CLASP1: variants seen among roughly 807,000 people sequenced by gnomAD.
CLASP1 encodes the protein cytoplasmic linker associated protein 1.
A neutral mutation model predicts 192.3 loss-of-function variants in CLASP1; 38 were observed. That is an observed-to-expected ratio of 0.20 (90% CI 0.15 to 0.26). The LOEUF is 0.26. Among genes scored for constraint, CLASP1 ranks in the 10% least tolerant of loss-of-function variants. The probability of loss-of-function intolerance (pLI) is 1.00; values close to 1 mark genes in which losing one functional copy is unlikely to be tolerated. For missense variants in CLASP1, 1,433 were observed against 1,932.5 expected (o/e 0.74, Z 4.85); for synonymous variants, 691 against 712.8 (o/e 0.97, Z 0.49).
chr2:121,401,955 G>GT (rs1029096550), intron 26 of CLASP1, 85 bp from the exon 28 acceptor site: 14 of 545,632 alleles, frequency 2.6e-5, no homozygotes, highest in Admixed American at 1.7e-4. Flanking sequence ...ATTTTCATGC[G>GT]TTTTTTTAAG....
chr2:121,575,163 G>A (rs2060383816), intron 2 of CLASP1, among the ~76,000 whole-genome samples: 1 of 151,796 alleles, frequency 6.6e-6, no homozygotes, highest in Admixed American at 6.6e-5. Context: ...CCAGGCTGGA[G>A]TGCAGTGGCG....
intron 19 of CLASP1, among the ~76,000 whole-genome samples, chr2:121,438,927 C>T (rs944647660): frequency 6.6e-6 from 1 of 151,042 alleles, no homozygotes; most frequent in Non-Finnish European, 1.5e-5. Context: ...CCTTGTACCT[C>T]TGGTAGAATT....
intron 20 of CLASP1, among the ~76,000 whole-genome samples, chr2:121,429,331 C>T (rs1031526885): frequency 2.0e-5 from 3 of 152,164 alleles, no homozygotes; most frequent in African/African-American, 7.2e-5. Context: ...GACAGGAAGA[C>T]TCTTCCTTCC....
At chr2:121,544,504 T>C (rs1403146127) in intron 2 of CLASP1, among the ~76,000 whole-genome samples, 3 of 149,590 alleles carry the variant, frequency 2.0e-5, no homozygotes, top group African/African-American at 7.4e-5. Flanking sequence ...AACATAACAA[T>C]AGTCTGTGCT....
At chr2:121,351,380 T>C (rs1420667720) in intron 37 of CLASP1, among the ~76,000 whole-genome samples, 1 of 152,222 alleles carries the variant, frequency 6.6e-6, no homozygotes, top group Non-Finnish European at 1.5e-5. Flanking sequence ...CATGTGTGTT[T>C]CTTCTTATCA....
chr2:121,360,708 T>C (rs2066231753), intron 37 of CLASP1, among the ~76,000 whole-genome samples: 1 of 152,048 alleles, frequency 6.6e-6, no homozygotes, highest in African/African-American at 2.4e-5. Flanking sequence ...GAGTAAAGTT[T>C]TATAAGGAAA....
At chr2:121,531,769 G>A (rs2094895438) in intron 2 of CLASP1, among the ~76,000 whole-genome samples, 1 of 151,736 alleles carries the variant, frequency 6.6e-6, no homozygotes, top group Non-Finnish European at 1.5e-5. Context: ...TTGGGAGGCT[G>A]AGGCAGGAGA....
intron 8 of CLASP1, among the ~76,000 whole-genome samples, chr2:121,478,920 ACACAC>A (rs2092257661): frequency 5.5e-5 from 2 of 36,144 alleles, no homozygotes; most frequent in African/African-American, 1.1e-4. Context: ...CACACCACAC[ACACAC>A]CACACAACAC....
intron 2 of CLASP1, among the ~76,000 whole-genome samples, chr2:121,578,119 G>C (rs1181607323): frequency 6.6e-6 from 1 of 152,012 alleles, no homozygotes; most frequent in African/African-American, 2.4e-5. Flanking sequence ...TTTTTATAGA[G>C]ATAGGGTTTC....
intron 34 of CLASP1, among the ~76,000 whole-genome samples, chr2:121,371,315 C>T (rs534072862): frequency 1.3e-5 from 2 of 152,172 alleles, no homozygotes; most frequent in East Asian, 3.9e-4. Context: ...ACTGCAGCCT[C>T]AAACTCCTAG....
chr2:121,438,939 G>A (rs2082778182), intron 19 of CLASP1, among the ~76,000 whole-genome samples: 1 of 150,472 alleles, frequency 6.6e-6, no homozygotes, highest in African/African-American at 2.5e-5. Flanking sequence ...GGTAGAATTC[G>A]GCTGTGAATC....
At chr2:121,458,542 T>C (rs1233034068) in intron 13 of CLASP1, among the ~76,000 whole-genome samples, 1 of 152,052 alleles carries the variant, frequency 6.6e-6, no homozygotes, top group Non-Finnish European at 1.5e-5. Context: ...GTAACAAGAA[T>C]ACAATATAAA....
chr2:121,387,646 C>T (rs997267280), intron 31 of CLASP1, 117 bp downstream of exon 32: 21 of 1,023,776 alleles, frequency 2.1e-5, no homozygotes, highest in South Asian at 2.0e-4. Context: ...TCAGGATGCT[C>T]GACATTTCCT....
intron 2 of CLASP1, among the ~76,000 whole-genome samples, chr2:121,547,900 T>A (rs893965196): frequency 4.6e-5 from 7 of 152,050 alleles, no homozygotes; most frequent in African/African-American, 1.7e-4. Flanking sequence ...CTCAGCCCTG[T>A]GAAAACATCC....
chr2:121,370,021 G>A (rs1377648733), intron 34 of CLASP1, among the ~76,000 whole-genome samples: 1 of 152,132 alleles, frequency 6.6e-6, no homozygotes, highest in African/African-American at 2.4e-5. Context: ...TTCTATTAAA[G>A]CAAAGCAGAA....
At chr2:121,522,553 T>G (rs1040287835) in intron 6 of CLASP1, among the ~76,000 whole-genome samples, 1 of 152,262 alleles carries the variant, frequency 6.6e-6, no homozygotes, top group African/African-American at 2.4e-5. Flanking sequence ...TCTCTCTGCT[T>G]CTTCATAAAT....
intron 7 of CLASP1, among the ~76,000 whole-genome samples, chr2:121,511,266 G>A (rs78759454): frequency 0.012 from 1,771 of 152,286 alleles, 38 homozygotes; most frequent in African/African-American, 0.04. Flanking sequence ...TAGATGAGGA[G>A]ATTGGAAGTA....
chr2:121,400,377 T>C (rs1208876500), intron 28 of CLASP1, among the ~76,000 whole-genome samples: 1 of 152,106 alleles, frequency 6.6e-6, no homozygotes, highest in Non-Finnish European at 1.5e-5. Context: ...GCTGGCATCA[T>C]GGTGTAGAGG....
chr2:121,419,199 CATGAACTTACCTA>C (rs1238150402), intron 22 of CLASP1, among the ~76,000 whole-genome samples: 1 of 152,078 alleles, frequency 6.6e-6, no homozygotes, highest in Non-Finnish European at 1.5e-5. Flanking sequence ...CACTGAAGTC[CATGAACTTACCTA>C]ATGATAAGGA....
Sources: allele counts gnomAD v4.1 joint callset (sites outside exome capture counted in the v4.1 genomes callset), GRCh38; gene constraint gnomAD v4.1.1; transcripts MANE v1.5; gene names NCBI Gene and HGNC (gene_info 2026-07-23, HGNC 2026-07-21).